Variants in HCRTR2 observed in about 807,000 individuals in gnomAD.
HCRTR2 encodes the protein orexin receptor type 2.
HCRTR2 carries 22 observed loss-of-function variants against 49.0 expected under a neutral mutation model. The ratio of observed to expected loss-of-function variants is 0.45; its 90% CI spans 0.32 to 0.64. The LOEUF (loss-of-function observed/expected upper bound fraction) is 0.64, where lower values mean the gene tolerates loss of function less well. Among genes scored for constraint, HCRTR2 ranks in the 30% least tolerant of loss-of-function variants. The probability of loss-of-function intolerance (pLI) is 0.04; values close to 1 mark genes in which losing one functional copy is unlikely to be tolerated. For synonymous variants in HCRTR2, 236 were observed against 205.3 expected, an observed-to-expected ratio of 1.15 and a Z score of -1.28; for missense variants, 491 against 559.4, an observed-to-expected ratio of 0.88 and a Z score of 1.23.
chr6:55,229,446 C>A (rs574474237), intron 1 of HCRTR2, among the ~76,000 whole-genome samples: 101 of 152,294 alleles, frequency 6.6e-4, no homozygotes, highest in Non-Finnish European at 1.0e-3. Flanking sequence ...GATATCTGCA[C>A]TCTCACATTC....
chr6:55,155,489 AGC>A (rs564153843), intron 1 of HCRTR2, among the ~76,000 whole-genome samples: 25 of 152,154 alleles, frequency 1.6e-4, no homozygotes, highest in African/African-American at 6.0e-4. Flanking sequence ...CATCATTACT[AGC>A]AATCTAAAAC....
At chr6:55,210,981 T>G (rs1450486832) in intron 1 of HCRTR2, among the ~76,000 whole-genome samples, 1 of 152,180 alleles carries the variant, frequency 6.6e-6, no homozygotes, top group Non-Finnish European at 1.5e-5. Context: ...TACCATGCTT[T>G]TCTGTACTTT....
At chr6:55,170,247 AT>A (rs200041187), upstream of HCRTR2, among the ~76,000 whole-genome samples, 1,432 of 148,904 alleles carry the variant, frequency 9.6e-3, 24 homozygotes, top group African/African-American at 0.033. Flanking sequence ...CAATATATTT[AT>A]TTTGTATATA....
At chr6:55,277,328 T>A (rs552761236) in intron 4 of HCRTR2, 52 bp from the exon 5 acceptor site, 2 of 1,463,870 alleles carry the variant, frequency 1.4e-6, no homozygotes, top group Middle Eastern at 1.7e-4. Flanking sequence ...TTCCCCAAAG[T>A]GGAACTTTCC....
intron 1 of HCRTR2, among the ~76,000 whole-genome samples, chr6:55,159,166 G>C (rs778495107): frequency 4.6e-5 from 7 of 152,032 alleles, no homozygotes; most frequent in Non-Finnish European, 1.0e-4. Flanking sequence ...AGGCAAATAG[G>C]GTCTGACGTT....
chr6:55,272,857 T>TC (rs1316664274), intron 4 of HCRTR2, among the ~76,000 whole-genome samples: 1 of 150,942 alleles, frequency 6.6e-6, no homozygotes, highest in African/African-American at 2.4e-5. Context: ...CTTTTTTTTT[T>TC]TTTTTTTTTG....
At chr6:55,221,619 C>T (rs573791129) in intron 1 of HCRTR2, among the ~76,000 whole-genome samples, 1 of 152,094 alleles carries the variant, frequency 6.6e-6, no homozygotes, top group African/African-American at 2.4e-5. Flanking sequence ...CGAGACCATC[C>T]TGGCTAACAC....
Position 55,282,379 on chromosome 6 carries a change from T to G in HCRTR2, c.1260T>G (p.Leu420=). ...GCAACTTTGATAACATATCAAAACT[T>G]TCTGAGCAAGTTGTGCTCACTAGCA... ...QISNFDNISK[L]SEQVVLTSIS... The change falls in exon 7 of 7, where the codon CTT becomes CTG. Residue 420 remains leucine (L), a synonymous_variant. Transcript: ENST00000370862. 6.2e-7 allele frequency: 1 copy of G among 1,613,540 alleles called. No individual in the cohort carries two copies.
At chr6:55,165,619 T>A (rs1407204240) in intron 1 of HCRTR2, among the ~76,000 whole-genome samples, 2 of 151,620 alleles carry the variant, frequency 1.3e-5, no homozygotes, top group African/African-American at 4.8e-5. Context: ...CATGAATAAA[T>A]TGGATCTTAT....
intron 1 of HCRTR2, among the ~76,000 whole-genome samples, chr6:55,245,575 A>G (rs1417256153): frequency 6.7e-6 from 1 of 149,588 alleles, no homozygotes; most frequent in Non-Finnish European, 1.5e-5. Flanking sequence ...ATAGACTGAC[A>G]GTAACCAAAT....
At chr6:55,249,838 G>T (rs1766514600) in intron 2 of HCRTR2, among the ~76,000 whole-genome samples, 2 of 152,014 alleles carry the variant, frequency 1.3e-5, no homozygotes, top group Non-Finnish European at 2.9e-5. Flanking sequence ...AAATGAAATG[G>T]TGACCACTCT....
intron 1 of HCRTR2, among the ~76,000 whole-genome samples, chr6:55,240,306 C>T (rs1378836142): frequency 7.7e-6 from 1 of 129,242 alleles, no homozygotes; most frequent in Admixed American, 1.1e-4. Context: ...TGCAGTGAGC[C>T]GAGATAGTGC....
At chr6:55,121,102 C>G (rs1156295144) in intron 1 of HCRTR2, among the ~76,000 whole-genome samples, 2 of 152,052 alleles carry the variant, frequency 1.3e-5, no homozygotes, top group Non-Finnish European at 2.9e-5. Flanking sequence ...TCTTCCTATC[C>G]ATGAACATGG....
chr6:55,202,144 T>A (rs948643413), intron 1 of HCRTR2, among the ~76,000 whole-genome samples: 1 of 152,200 alleles, frequency 6.6e-6, no homozygotes, highest in African/African-American at 2.4e-5. Context: ...TTAAATAATG[T>A]GTTAATTGTG....
intron 1 of HCRTR2, among the ~76,000 whole-genome samples, chr6:55,206,363 G>A (rs956475183): frequency 1.3e-5 from 2 of 151,942 alleles, no homozygotes; most frequent in African/African-American, 4.8e-5. Flanking sequence ...ATGATTTCAC[G>A]ACTGTGATAG....
chr6:55,153,569 G>A (rs975533644), intron 1 of HCRTR2, among the ~76,000 whole-genome samples: 15 of 151,992 alleles, frequency 9.9e-5, no homozygotes, highest in African/African-American at 3.6e-4. Flanking sequence ...TACAATTTGT[G>A]ACTATATCTC....
chr6:55,128,725 T>C (rs905373384), intron 1 of HCRTR2, among the ~76,000 whole-genome samples: 2 of 152,194 alleles, frequency 1.3e-5, no homozygotes, highest in East Asian at 3.8e-4. Context: ...TGTAGTTTAG[T>C]TTTAAAAAAG....
intron 1 of HCRTR2, among the ~76,000 whole-genome samples, chr6:55,159,753 C>T (rs1027268061): frequency 1.3e-5 from 2 of 151,878 alleles, no homozygotes; most frequent in Non-Finnish European, 2.9e-5. Context: ...TGAAGATCAA[C>T]TTAATGAAAT....
At chr6:55,281,047 T>C (rs1767180720) in intron 6 of HCRTR2, among the ~76,000 whole-genome samples, 1 of 152,216 alleles carries the variant, frequency 6.6e-6, no homozygotes, top group African/African-American at 2.4e-5. Context: ...CACTATTGTT[T>C]ATTCACATTT....
Sources: gnomAD v4.1 joint callset for allele counts (sites outside exome capture counted in the v4.1 genomes callset) on GRCh38, gnomAD v4.1.1 for gene constraint, MANE v1.5 for transcripts, NCBI Gene and HGNC (gene_info 2026-07-23, HGNC 2026-07-21) for gene names.